Variants in ANKRD17 observed in about 807,000 individuals in gnomAD.
ANKRD17 encodes ankyrin repeat domain 17.
A neutral mutation model predicts 229.7 loss-of-function variants in ANKRD17; 19 were observed. That is an observed-to-expected ratio of 0.08 (90% CI 0.06 to 0.12). The LOEUF is 0.12. Ranked by LOEUF, ANKRD17 falls within the 10% of genes least tolerant of loss-of-function variation. The pLI is 1.00. For synonymous variants in ANKRD17, 1,112 were observed against 1,146.1 expected (o/e 0.97, Z 0.60); for missense variants, 2,176 against 3,176.8 (o/e 0.68, Z 7.57).
At chr4:73,137,027 T>G (rs573287276) in intron 15 of ANKRD17, among the ~76,000 whole-genome samples, 1 of 145,750 alleles carries the variant, frequency 6.9e-6, no homozygotes, top group East Asian at 2.2e-4. Flanking sequence ...TCTTATCACC[T>G]CATCTAAAAG....
intron 29 of ANKRD17, 24 bp downstream of exon 29, chr4:73,090,643 G>A: frequency 1.2e-6 from 2 of 1,613,376 alleles, no homozygotes; most frequent in African/African-American, 2.7e-5. Flanking sequence ...AACAGCTGCA[G>A]AATCTCAGAA....
At chr4:73,181,663 T>G (rs1442257692) in intron 1 of ANKRD17, among the ~76,000 whole-genome samples, 5 of 152,164 alleles carry the variant, frequency 3.3e-5, no homozygotes, top group Non-Finnish European at 7.4e-5. Context: ...CGCATTTTTA[T>G]TATATTATTC....
chr4:73,213,022 G>A (rs1275003796), intron 1 of ANKRD17, among the ~76,000 whole-genome samples: 1 of 89,598 alleles, frequency 1.1e-5, no homozygotes, highest in African/African-American at 4.6e-5. Context: ...GCAAGACTCC[G>A]TTTCAGGGGA....
Position 73,203,719 on chromosome 4 carries a change from A to G in ANKRD17, c.394-26186T>C, listed in dbSNP as rs1359762291. Among the ~76,000 whole-genome samples, 4 of 141,480 alleles carry G rather than the reference A, an allele frequency of 2.8e-5. No individual in the cohort carries two copies. The Admixed American group carries it at 3.2e-4, about 11-fold the overall frequency. 92.8% of individuals were successfully genotyped at this position (141,480 alleles called of 152,430 possible). A position where few individuals can be genotyped will look rare whatever the true frequency, so the allele number is the denominator to read the frequency against. On this transcript the variant is annotated intron_variant, in intron 1 of 33. Coordinates refer to ENST00000358602, the MANE Select transcript of ANKRD17 (RefSeq NM_032217.5). Reference sequence around the variant, plus strand: ...GCTTGCAGTGAGTCGAGATCACGCCACTGCACTCCAGCCTGGGCGACAGAG... The same window carrying G: ...GCTTGCAGTGAGTCGAGATCACGCCGCTGCACTCCAGCCTGGGCGACAGAG...
At chr4:73,215,551 C>T (rs986713599) in intron 1 of ANKRD17, among the ~76,000 whole-genome samples, 1 of 152,050 alleles carries the variant, frequency 6.6e-6, no homozygotes, top group South Asian at 2.1e-4. Context: ...GGCCACTGCG[C>T]CTGGCTGAAA....
At chr4:73,200,262 G>C (rs367562037) in intron 1 of ANKRD17, among the ~76,000 whole-genome samples, 3 of 152,000 alleles carry the variant, frequency 2.0e-5, no homozygotes, top group African/African-American at 7.2e-5. Flanking sequence ...CTTTGTCTCA[G>C]AACAGTGGTT....
At chr4:73,152,189 A>T (rs1005085110) in intron 6 of ANKRD17, among the ~76,000 whole-genome samples, 1 of 152,198 alleles carries the variant, frequency 6.6e-6, no homozygotes, top group Non-Finnish European at 1.5e-5. Flanking sequence ...AACAATAGAA[A>T]AATTATTTAA....
intron 29 of ANKRD17, among the ~76,000 whole-genome samples, chr4:73,086,922 ATATATATATATAT>A (rs1722232482): frequency 3.1e-4 from 16 of 50,956 alleles, no homozygotes; most frequent in Admixed American, 2.7e-3. Flanking sequence ...AAAAAAAAAT[ATATATATATATAT>A]ATATATATAT....
chr4:73,098,777 C>T, intron 25 of ANKRD17: 2 of 1,247,166 alleles, frequency 1.6e-6, no homozygotes, highest in Non-Finnish European at 1.2e-6. Context: ...TCCAGGAAGG[C>T]CATTCCAGCC....
intron 24 of ANKRD17, among the ~76,000 whole-genome samples, chr4:73,103,827 G>GTTTTTTTTTTTTTT (rs148621021): frequency 6.7e-6 from 1 of 148,804 alleles, no homozygotes; most frequent in African/African-American, 2.5e-5. Context: ...AACCCTCTCC[G>GTTTTTTTTTTTTTT]GTTTTTTTTT....
intron 1 of ANKRD17, among the ~76,000 whole-genome samples, chr4:73,215,750 T>C (rs1021265629): frequency 3.9e-5 from 6 of 152,226 alleles, no homozygotes; most frequent in East Asian, 3.8e-4. Context: ...TTTAAGAAAC[T>C]ACCACTTGTG....
In ANKRD17 at chr4:73,113,330, A is replaced by G. The variant is rs1268784232; in HGVS notation, c.4401+462T>C. On this transcript the variant is annotated intron_variant, in intron 24 of 33. Transcript: ENST00000358602. ...AGTCTGCCTGAAAGAGAAAAGTACA[A>G]GAGAAGTCACCCATTTAAAAAGTGT... The G allele has an allele frequency of 2.3e-6, 3 of 1,289,438 alleles. No homozygotes were observed. The East Asian group carries it at 1.7e-4, about 72-fold the overall frequency. The allele number at this position is 1,289,438 out of a possible 1,614,324, so 79.9% of individuals were successfully genotyped here.
At chr4:73,103,652 T>C (rs1287250448) in intron 24 of ANKRD17, among the ~76,000 whole-genome samples, 1 of 152,204 alleles carries the variant, frequency 6.6e-6, no homozygotes, top group East Asian at 1.9e-4. Context: ...GTATTTTAAA[T>C]ATGTGTCAAA....
At chr4:73,237,195 C>T (rs1297816893) in intron 1 of ANKRD17, among the ~76,000 whole-genome samples, 1 of 152,070 alleles carries the variant, frequency 6.6e-6, no homozygotes, top group Non-Finnish European at 1.5e-5. Context: ...TTCTAGGTTG[C>T]CTAAGCCAAT....
At chr4:73,166,396 G>A (rs1390007835) in intron 2 of ANKRD17, among the ~76,000 whole-genome samples, 1 of 152,170 alleles carries the variant, frequency 6.6e-6, no homozygotes, top group African/African-American at 2.4e-5. Context: ...AACTTTAAAG[G>A]TCTGAGAGTG....
chr4:73,184,255 G>A (rs1261348830), intron 1 of ANKRD17, among the ~76,000 whole-genome samples: 8 of 152,094 alleles, frequency 5.3e-5, no homozygotes, highest in African/African-American at 1.9e-4. Flanking sequence ...TTTTGGCCGG[G>A]TGCGGTGGCT....
At chr4:73,149,174 C>T (rs1730668275) in intron 7 of ANKRD17, 124 bp from the exon 8 acceptor site, 1 of 732,194 alleles carries the variant, frequency 1.4e-6, no homozygotes, top group Non-Finnish European at 2.3e-6. Context: ...AATAGAGCTA[C>T]ATTTAACAGT....
rs1745662465 is a variant in ANKRD17, at chr4:73,258,306, G to C, written c.363C>G (p.Asp121Glu). 6 of 1,613,582 alleles carry C rather than the reference G, an allele frequency of 3.7e-6. No individual in the cohort carries two copies. Among genetic ancestry groups the C allele is most frequent in the Non-Finnish European group, 4.2e-6 (5 of 1,179,960 alleles). Residue 121 changes from aspartate (D) to glutamate (E), a missense_variant, in exon 1 of 34, where the codon GAC becomes GAG. Physicochemically the swap from Asp to Glu is conservative, Grantham distance 45. Transcript: ENST00000358602. ...AAACCTCCTCTTCCTCGTCGTCGTCGTCCTCTTCTTCCTCGCTGTTGTTAC... is the reference window on the plus strand; with the variant it reads ...AAACCTCCTCTTCCTCGTCGTCGTCCTCCTCTTCTTCCTCGCTGTTGTTAC... ...TSSNNSEEEE[D>E]DDDEEEEVSE... is the part of the protein sequence containing the mutation.
chr4:73,187,433 G>C (rs934423181), intron 1 of ANKRD17, among the ~76,000 whole-genome samples: 1 of 152,076 alleles, frequency 6.6e-6, no homozygotes, highest in Admixed American at 6.5e-5. Context: ...AGGAAAATGG[G>C]GTCTGTTGGC....
Sources: gnomAD v4.1 joint callset for allele counts (sites outside exome capture counted in the v4.1 genomes callset) on GRCh38, gnomAD v4.1.1 for gene constraint, MANE v1.5 for transcripts, NCBI Gene and HGNC (gene_info 2026-07-23, HGNC 2026-07-21) for gene names.